ARHGAP12: variants seen among roughly 807,000 people sequenced by gnomAD.
ARHGAP12 encodes rho GTPase-activating protein 12.
Under a neutral mutation model 108.6 loss-of-function variants are expected in ARHGAP12, and 64 were observed. That is an observed-to-expected ratio of 0.59 (90% CI 0.48 to 0.73). The LOEUF is 0.73. ARHGAP12 is among the 30% of genes least tolerant of loss of function. The pLI, the probability that ARHGAP12 is intolerant of heterozygous loss-of-function variation, is 0.00. For missense variants in ARHGAP12, 940 were observed against 1,005.9 expected (o/e 0.93, Z 0.89); for synonymous variants, 312 against 337.2 (o/e 0.93, Z 0.82).
chr10:31,836,695 G>A (rs1267826927), intron 9 of ARHGAP12, among the ~76,000 whole-genome samples: 1 of 152,064 alleles, frequency 6.6e-6, no homozygotes, highest in East Asian at 1.9e-4. Context: ...AAAGAAAGAG[G>A]GAAATATCTC....
intron 2 of ARHGAP12, among the ~76,000 whole-genome samples, chr10:31,909,353 T>C (rs1027851355): frequency 1.3e-5 from 2 of 152,098 alleles, no homozygotes; most frequent in Non-Finnish European, 2.9e-5. Context: ...CGGGTTTAAA[T>C]GATCACCTCC....
At chr10:31,819,153 A>G (rs1259360997) in intron 12 of ARHGAP12, among the ~76,000 whole-genome samples, 1 of 151,854 alleles carries the variant, frequency 6.6e-6, no homozygotes, top group Non-Finnish European at 1.5e-5. Flanking sequence ...ATTTATTATT[A>G]TAAATAAAGA....
intron 4 of ARHGAP12, among the ~76,000 whole-genome samples, chr10:31,857,269 G>A (rs1836923174): frequency 6.6e-6 from 1 of 151,892 alleles, no homozygotes; most frequent in African/African-American, 2.4e-5. Context: ...AATTTTTGAA[G>A]GTTTAAAACT....
At chr10:31,883,552 A>G (rs1275626136) in intron 3 of ARHGAP12, among the ~76,000 whole-genome samples, 3 of 152,340 alleles carry the variant, frequency 2.0e-5, no homozygotes, top group Non-Finnish European at 2.9e-5. Flanking sequence ...CAGTCTGACC[A>G]GAAACTACAG....
intron 3 of ARHGAP12, among the ~76,000 whole-genome samples, chr10:31,899,736 C>T (rs144358120): frequency 6.6e-6 from 1 of 152,224 alleles, no homozygotes; most frequent in African/African-American, 2.4e-5. Flanking sequence ...AAATGGATCA[C>T]AGGCCTATAT....
At chr10:31,923,264 G>T (rs1451485596) in intron 1 of ARHGAP12, among the ~76,000 whole-genome samples, 1 of 148,860 alleles carries the variant, frequency 6.7e-6, no homozygotes, top group Non-Finnish European at 1.5e-5. Flanking sequence ...AAACCAAAAA[G>T]AAAGAAATGT....
intron 1 of ARHGAP12, among the ~76,000 whole-genome samples, chr10:31,917,476 A>C (rs1339212254): frequency 1.3e-5 from 2 of 152,186 alleles, no homozygotes; most frequent in Admixed American, 6.5e-5. Context: ...CGATCTCCTA[A>C]CAACTTATTC....
At chr10:31,813,650 A>T (rs1368443458) in intron 14 of ARHGAP12, among the ~76,000 whole-genome samples, 1 of 150,882 alleles carries the variant, frequency 6.6e-6, no homozygotes, top group African/African-American at 2.4e-5. Flanking sequence ...TTAAACGTGG[A>T]TTTGTTAAAA....
intron 3 of ARHGAP12, among the ~76,000 whole-genome samples, chr10:31,883,227 G>A (rs548499913): frequency 1.8e-4 from 28 of 152,220 alleles, no homozygotes; most frequent in African/African-American, 4.8e-4. Flanking sequence ...CCTGGGAGGC[G>A]GAGGTTGTGG....
chr10:31,838,830 CA>C (rs34471173), intron 9 of ARHGAP12, among the ~76,000 whole-genome samples: 51,395 of 102,554 alleles, frequency 0.5, 11,452 homozygotes, highest in Middle Eastern at 0.57. Context: ...GGCTCCATCT[CA>C]AAAAAAAAAA....
chr10:31,909,870 T>C (rs1312697411), intron 2 of ARHGAP12, among the ~76,000 whole-genome samples: 1 of 152,054 alleles, frequency 6.6e-6, no homozygotes, highest in Non-Finnish European at 1.5e-5. Context: ...CACTCCAACC[T>C]GGGTGACAGA....
At chr10:31,856,401 C>A (rs935738428) in intron 4 of ARHGAP12, among the ~76,000 whole-genome samples, 3 of 152,056 alleles carry the variant, frequency 2.0e-5, no homozygotes, top group African/African-American at 7.2e-5. Flanking sequence ...AAAAGGCTAT[C>A]CCACAATACA....
intron 3 of ARHGAP12, among the ~76,000 whole-genome samples, chr10:31,903,863 A>G (rs761520764): frequency 3.9e-5 from 6 of 152,232 alleles, no homozygotes; most frequent in Non-Finnish European, 7.4e-5. Flanking sequence ...ATGAAAACAT[A>G]TTCAACATCA....
intron 3 of ARHGAP12, among the ~76,000 whole-genome samples, chr10:31,892,052 T>C (rs1838466345): frequency 6.6e-6 from 1 of 152,016 alleles, no homozygotes; most frequent in Admixed American, 6.6e-5. Flanking sequence ...CAGAGAATTT[T>C]GATCGTCGGA....
intron 3 of ARHGAP12, among the ~76,000 whole-genome samples, chr10:31,864,117 G>T (rs561640743): frequency 6.6e-6 from 1 of 152,022 alleles, no homozygotes; most frequent in South Asian, 2.1e-4. Context: ...TACAAAAAAT[G>T]AATTAAACTC....
At chr10:31,852,431 A>T in intron 6 of ARHGAP12, 86 bp downstream of exon 6, 2 of 1,068,082 alleles carry the variant, frequency 1.9e-6, no homozygotes, top group Non-Finnish European at 2.9e-6. Flanking sequence ...TAGAATAAAG[A>T]TCTTAAAATA....
intron 7 of ARHGAP12, 31 bp from the exon 8 acceptor site, chr10:31,839,742 T>A (rs2132228940): frequency 1.3e-6 from 2 of 1,530,694 alleles, no homozygotes; most frequent in Middle Eastern, 2.1e-4. Flanking sequence ...AAAAAGTTAC[T>A]CTATTTTATA....
intron 3 of ARHGAP12, among the ~76,000 whole-genome samples, chr10:31,876,686 T>C (rs1370235717): frequency 6.6e-6 from 1 of 152,182 alleles, no homozygotes; most frequent in Non-Finnish European, 1.5e-5. Flanking sequence ...TTGACCTTCC[T>C]TAAGTTCATA....
chr10:31,927,334 G>A (rs12256714), intron 1 of ARHGAP12, among the ~76,000 whole-genome samples: 81,536 of 152,078 alleles, frequency 0.54, 22,466 homozygotes, highest in African/African-American at 0.65. Flanking sequence ...ATATGGGCAA[G>A]TACACACACA....
Sources: allele counts gnomAD v4.1 joint callset (sites outside exome capture counted in the v4.1 genomes callset), GRCh38; gene constraint gnomAD v4.1.1; transcripts MANE v1.5; gene names NCBI Gene and HGNC (gene_info 2026-07-23, HGNC 2026-07-21).